The following KLHL6 variants were observed in gnomAD, a reference collection of about 807,000 sequenced individuals.
KLHL6 encodes kelch like family member 6, also known as kelch-like protein 6.
Under a neutral mutation model 58.6 loss-of-function variants are expected in KLHL6, and 41 were observed. The observed-to-expected ratio is 0.70, with a 90% CI of 0.55 to 0.91. KLHL6 has a LOEUF of 0.91. Among genes scored for constraint, KLHL6 ranks in the 40% least tolerant of loss-of-function variants. The pLI is 0.00. For synonymous variants in KLHL6, 338 were observed against 322.7 expected, an observed-to-expected ratio of 1.05 and a Z score of -0.51; for missense variants, 714 against 805.6, an observed-to-expected ratio of 0.89 and a Z score of 1.38.
At position 183,499,783 on chromosome 3, in the gene KLHL6, A is replaced by G. The variant is rs769010771; in HGVS notation, c.954T>C (p.Ser318=). 1 of 1,605,320 alleles carries G rather than the reference A, an allele frequency of 6.2e-7. No homozygotes were observed. The highest frequency in any genetic ancestry group is 8.5e-7 in the Non-Finnish European group (1 of 1,175,988). Residue 318 remains serine (S), a synonymous_variant, in exon 4 of 7, where the codon TCT becomes TCC. Coordinates refer to ENST00000341319, the MANE Select transcript of KLHL6 (RefSeq NM_130446.4). This position sits in a 1 kb window ranked among gnomAD's most constrained non-coding sequence, Gnocchi z 4.6. Reference sequence around the variant, plus strand: ...AGCCGCCAATGATCATGAACACCTCAGACTGGAACTCATGCATCCTGGGCT... The same window carrying G: ...AGCCGCCAATGATCATGAACACCTCGGACTGGAACTCATGCATCCTGGGCT... ...RTKPRMHEFQ[S]EVFMIIGGCT...
intron 1 of KLHL6, among the ~76,000 whole-genome samples, chr3:183,549,792 A>G (rs779402086): frequency 6.6e-6 from 1 of 152,198 alleles, no homozygotes; most frequent in Admixed American, 6.5e-5. Context: ...TAAAAGACAG[A>G]GGCCAGGTGT....
chr3:183,534,474 G>T (rs1289337714), intron 1 of KLHL6, among the ~76,000 whole-genome samples: 1 of 152,106 alleles, frequency 6.6e-6, no homozygotes, highest in African/African-American at 2.4e-5. Flanking sequence ...CACGACCACA[G>T]CTCATTTCAG....
In KLHL6 at chr3:183,492,519, A is replaced by G. The variant is rs773814707; in HGVS notation, c.1539T>C (p.Ser513=). The part of the protein sequence containing the change: ...PVEAKCINAV[S]FRDRIYVVGG... ...CAACGACATAGATGCGGTCCCGGAA[A>G]CTCACTGCATTGATGCATTTAGCCT... Residue 513 remains serine (S), a synonymous_variant, in exon 6 of 7, where the codon AGT becomes AGC. Coordinates refer to ENST00000341319, the MANE Select transcript of KLHL6 (RefSeq NM_130446.4). The surrounding 1 kb of genome is among the most constrained non-coding windows in gnomAD (Gnocchi z 5.9). 1 of 1,614,180 alleles carries G rather than the reference A, an allele frequency of 6.2e-7. No homozygotes were observed. Among genetic ancestry groups the G allele is most frequent in the Non-Finnish European group, 8.5e-7 (1 of 1,180,022 alleles).
rs186134432 is a variant in KLHL6 at position 183,498,954 on chromosome 3, C to T, written c.1147+636G>A. 6.9e-4 allele frequency among the ~76,000 whole-genome samples: 105 copies of T among 152,350 alleles called. 1 individual carries two copies. Among genetic ancestry groups the T allele is most frequent in the Non-Finnish European group, 1.2e-3 (81 of 68,036 alleles). The stretch of plus-strand genomic sequence containing the variant: ...CACTGCGTAGCTCAGGGGCCTATGC[C>T]TATAGCAGACACTGAATAAACCCTT... On this transcript the variant is annotated intron_variant, in intron 4 of 6. Transcript: ENST00000341319.
chr3:183,495,210 C>A (rs1717682360), intron 4 of KLHL6, among the ~76,000 whole-genome samples: 1 of 152,154 alleles, frequency 6.6e-6, no homozygotes, highest in African/African-American at 2.4e-5. Flanking sequence ...CCATGTGCAC[C>A]CTGAATTTTT....
intron 2 of KLHL6, among the ~76,000 whole-genome samples, chr3:183,509,778 G>A (rs568258931): frequency 1.3e-5 from 2 of 152,230 alleles, no homozygotes; most frequent in East Asian, 3.9e-4. Flanking sequence ...GGCAAAATTT[G>A]TCATCAAGGG....
At chr3:183,493,343 GT>G in intron 5 of KLHL6, 1 of 155,274 alleles carries the variant, frequency 6.4e-6, no homozygotes, top group South Asian at 2.0e-4. Flanking sequence ...TCCTGGGCAT[GT>G]CCCCCATACA....
chr3:183,500,513 C>A (rs1717841099), intron 3 of KLHL6, among the ~76,000 whole-genome samples: 1 of 152,146 alleles, frequency 6.6e-6, no homozygotes, highest in African/African-American at 2.4e-5. Flanking sequence ...GGCCATGTGA[C>A]CTTGGAGAAG....
In KLHL6 at chr3:183,555,560, A is replaced by G. The variant is rs1360111037; in HGVS notation, c.94T>C (p.Ser32Pro). The change falls in exon 1 of 7, where the codon TCC (serine) becomes CCC (proline). Residue 32 changes from serine to proline, a missense_variant. Transcript: ENST00000341319. Reference protein sequence around the residue: ...GPLAPSTDEPSQKTGDLVEIL... With the variant: ...GPLAPSTDEPPQKTGDLVEIL... ...TCGACCAAGTCTCCTGTTTTCTGGGAGGGCTCATCTGTAGAAGGTGCCAGG... is the reference window on the plus strand; with the variant it reads ...TCGACCAAGTCTCCTGTTTTCTGGGGGGGCTCATCTGTAGAAGGTGCCAGG... 1.2e-6 allele frequency: 2 copies of G among 1,614,102 alleles called. No individual in the cohort carries two copies. The highest frequency in any genetic ancestry group is 2.2e-5 in the South Asian group (2 of 91,080).
chr3:183,492,735 G>A lies in KLHL6; in HGVS notation c.1351-28C>T, dbSNP rs1717604959. On this transcript the variant is annotated intron_variant, in intron 5 of 6. Transcript: ENST00000341319. The surrounding 1 kb of genome is among the most constrained non-coding windows in gnomAD (Gnocchi z 5.9). ...GTAGAGGCACAGGGCACAAGAAGAA[G>A]CTGTCAGTCATGCTGCCCAGATTGC... The A allele has an allele frequency of 6.2e-7, 1 of 1,607,282 alleles. No individual in the cohort carries two copies. Among genetic ancestry groups the A allele is most frequent in the Admixed American group, 1.7e-5 (1 of 59,982 alleles).
chr3:183,536,789 A>T (rs1168136246), intron 1 of KLHL6, among the ~76,000 whole-genome samples: 1 of 152,184 alleles, frequency 6.6e-6, no homozygotes, highest in Non-Finnish European at 1.5e-5. Flanking sequence ...CACAACCCTT[A>T]TCTCTTCAGC....
At chr3:183,502,770 A>G (rs1218705432) in intron 3 of KLHL6, among the ~76,000 whole-genome samples, 1 of 152,238 alleles carries the variant, frequency 6.6e-6, no homozygotes, top group Non-Finnish European at 1.5e-5. Flanking sequence ...CCTGAGCCAG[A>G]AGCACCCAGC....
chr3:183,487,864 C>T lies in KLHL6; in HGVS notation c.*4063G>A, dbSNP rs1370442626. 1 of 152,156 alleles carries T rather than the reference C, an allele frequency of 6.6e-6. No homozygotes were observed. The highest frequency in any genetic ancestry group is 2.4e-5 in the African/African-American group (1 of 41,424). The allele number at this position is 152,156 out of a possible 1,614,324, so 9.4% of individuals were successfully genotyped here. On this transcript the variant is annotated 3_prime_UTR_variant, in exon 7 of 7. Coordinates refer to ENST00000341319, the MANE Select transcript of KLHL6 (RefSeq NM_130446.4). ...ATGATTTTGCAACCCCAAGTTGGGA[C>T]TTAACATAAGAAATCCTTATGGTGT... is the stretch of plus-strand genomic sequence containing the variant.
intron 1 of KLHL6, among the ~76,000 whole-genome samples, chr3:183,535,426 G>A (rs186121873): frequency 1.1e-3 from 169 of 152,206 alleles, no homozygotes; most frequent in African/African-American, 3.6e-3. Context: ...TTTCACCCTC[G>A]TGAATGTCAT....
chr3:183,543,134 A>G (rs1220976285), intron 1 of KLHL6, among the ~76,000 whole-genome samples: 3 of 152,134 alleles, frequency 2.0e-5, no homozygotes, highest in African/African-American at 7.2e-5. Flanking sequence ...CTCTACTAAT[A>G]ATACAAAAAC....
chr3:183,533,817 T>C (rs937796579), intron 1 of KLHL6, among the ~76,000 whole-genome samples: 1 of 151,964 alleles, frequency 6.6e-6, no homozygotes, highest in Non-Finnish European at 1.5e-5. Context: ...TAATCAATGG[T>C]AACCCTCCTA....
intron 1 of KLHL6, among the ~76,000 whole-genome samples, chr3:183,532,418 G>T (rs1176257671): frequency 6.6e-6 from 1 of 152,218 alleles, no homozygotes; most frequent in African/African-American, 2.4e-5. Context: ...ATAGTATTTT[G>T]TTATGGCAGC....
chr3:183,518,184 G>A (rs1016498485), intron 2 of KLHL6, among the ~76,000 whole-genome samples: 5 of 152,154 alleles, frequency 3.3e-5, no homozygotes, highest in Admixed American at 6.5e-5. Context: ...TATGGAGTTG[G>A]AAGTTCTGGG....
intron 2 of KLHL6, among the ~76,000 whole-genome samples, chr3:183,514,921 C>T (rs896829840): frequency 2.5e-4 from 38 of 152,146 alleles, no homozygotes; most frequent in African/African-American, 8.7e-4. Context: ...CTGCCCACCT[C>T]GGCCTCCCAA....
Sources: allele counts gnomAD v4.1 joint callset (sites outside exome capture counted in the v4.1 genomes callset), GRCh38; gene constraint gnomAD v4.1.1; non-coding constraint Gnocchi (gnomAD v3.1); transcripts MANE v1.5; gene names NCBI Gene and HGNC (gene_info 2026-07-23, HGNC 2026-07-21).